Variants in DPYD observed in about 807,000 individuals in gnomAD.
DPYD encodes the protein dihydropyrimidine dehydrogenase [NADP(+)].
Under a neutral mutation model 116.2 loss-of-function variants are expected in DPYD, and 109 were observed. That is an observed-to-expected ratio of 0.94 (90% confidence interval 0.80 to 1.10). DPYD has a LOEUF of 1.10. Ranked by LOEUF, DPYD falls within the 50% of genes least tolerant of loss-of-function variation. The pLI, the probability that DPYD is intolerant of heterozygous loss-of-function variation, is 0.00. For synonymous variants in DPYD, 440 were observed against 432.0 expected (o/e 1.02, Z -0.23); for missense variants, 1,302 against 1,254.5 (o/e 1.04, Z -0.57).
chr1:97,273,426 C>T (rs1664728435), intron 18 of DPYD, among the ~76,000 whole-genome samples: 1 of 152,128 alleles, frequency 6.6e-6, no homozygotes, highest in Admixed American at 6.6e-5. Flanking sequence ...AAACTACTCC[C>T]TCTCACAAGA....
intron 12 of DPYD, chr1:97,546,169 CAGA>C: frequency 1.4e-6 from 2 of 1,447,158 alleles, no homozygotes; most frequent in Non-Finnish European, 1.9e-6. Flanking sequence ...GAACAGCCAG[CAGA>C]AGATGGGCAG....
chr1:97,235,887 T>A (rs1661891118), intron 18 of DPYD, among the ~76,000 whole-genome samples: 1 of 152,164 alleles, frequency 6.6e-6, no homozygotes, highest in African/African-American at 2.4e-5. Flanking sequence ...TTAATCAAGT[T>A]AAAGAGAATT....
chr1:97,250,799 A>G (rs750767643), intron 18 of DPYD, among the ~76,000 whole-genome samples: 7 of 152,172 alleles, frequency 4.6e-5, no homozygotes, highest in Non-Finnish European at 8.8e-5. Context: ...AAGCAACCCA[A>G]GAGAACTTTC....
At chr1:97,193,342 T>C in intron 19 of DPYD, 94 bp from the exon 20 acceptor site, 1 of 1,316,662 alleles carries the variant, frequency 7.6e-7, no homozygotes, top group Non-Finnish European at 1.1e-6. Context: ...ATTTATTTTA[T>C]GTGCCAGGCA....
At chr1:97,898,374 A>G (rs1673187180) in intron 1 of DPYD, among the ~76,000 whole-genome samples, 1 of 151,754 alleles carries the variant, frequency 6.6e-6, no homozygotes, top group Non-Finnish European at 1.5e-5. Context: ...CTAGACTTTC[A>G]GCTCTGTCTC....
intron 14 of DPYD, among the ~76,000 whole-genome samples, chr1:97,415,258 A>G (rs1674228652): frequency 6.6e-6 from 1 of 152,220 alleles, no homozygotes; most frequent in South Asian, 2.1e-4. Context: ...GTTGTAGCAC[A>G]GTCATTGATC....
chr1:97,672,485 G>A (rs1416994913), intron 8 of DPYD, among the ~76,000 whole-genome samples: 4 of 152,198 alleles, frequency 2.6e-5, no homozygotes, highest in Non-Finnish European at 5.9e-5. Context: ...ACAAGTGACA[G>A]TAGATTAAAC....
At chr1:97,163,674 G>A (rs114831916) in intron 20 of DPYD, among the ~76,000 whole-genome samples, 248 of 152,212 alleles carry the variant, frequency 1.6e-3, no homozygotes, top group African/African-American at 5.7e-3. Context: ...TTTGTGGAAG[G>A]GTCAGAAGGG....
chr1:97,080,865 C>T (rs1021081380), intron 22 of DPYD, among the ~76,000 whole-genome samples: 1 of 152,072 alleles, frequency 6.6e-6, no homozygotes, highest in Admixed American at 6.6e-5. Flanking sequence ...TTTCTCATTA[C>T]TAAGAAGATT....
chr1:97,890,934 C>A (rs923135459), intron 1 of DPYD, among the ~76,000 whole-genome samples: 1 of 151,888 alleles, frequency 6.6e-6, no homozygotes, highest in African/African-American at 2.4e-5. Context: ...GAAAGCATAA[C>A]ATAACATGAA....
chr1:97,622,227 G>A (rs1278681470), intron 8 of DPYD, among the ~76,000 whole-genome samples: 1 of 151,996 alleles, frequency 6.6e-6, no homozygotes, highest in East Asian at 1.9e-4. Flanking sequence ...TGTTAGTCAT[G>A]AAATCAAGGT....
intron 19 of DPYD, among the ~76,000 whole-genome samples, chr1:97,229,853 C>A (rs1661469844): frequency 1.3e-5 from 2 of 151,870 alleles, no homozygotes; most frequent in African/African-American, 4.8e-5. Context: ...ATTTTAATAG[C>A]CAGAAAGTCT....
chr1:97,162,589 C>G (rs1322142594), intron 20 of DPYD, among the ~76,000 whole-genome samples: 1 of 152,092 alleles, frequency 6.6e-6, no homozygotes, highest in Non-Finnish European at 1.5e-5. Context: ...CCATCCCCAT[C>G]AAGCTACCAA....
intron 18 of DPYD, among the ~76,000 whole-genome samples, chr1:97,257,639 T>C (rs1290735792): frequency 6.6e-6 from 1 of 151,870 alleles, no homozygotes; most frequent in Non-Finnish European, 1.5e-5. Context: ...AAAAAAAGTT[T>C]CATACCATCA....
chr1:97,487,273 A>T (rs1380531227), intron 13 of DPYD, among the ~76,000 whole-genome samples: 1 of 151,938 alleles, frequency 6.6e-6, no homozygotes, highest in Non-Finnish European at 1.5e-5. Flanking sequence ...TATTTAAATT[A>T]AAAAAAATAT....
intron 14 of DPYD, among the ~76,000 whole-genome samples, chr1:97,385,847 T>G (rs1237305056): frequency 6.6e-6 from 1 of 152,160 alleles, no homozygotes; most frequent in Non-Finnish European, 1.5e-5. Context: ...TGTTTCTCTC[T>G]TTTACATGGC....
chr1:97,546,446 A>C, intron 12 of DPYD: 1 of 1,600,892 alleles, frequency 6.2e-7, no homozygotes, highest in South Asian at 1.1e-5. Context: ...TGAAGTGAGA[A>C]AGATGATGGT....
rs1044319733 is a variant in DPYD at position 97,186,763 on chromosome 1, C to T, written c.2622+6306G>A. Among the ~76,000 whole-genome samples, 14 of 152,216 alleles carry T rather than the reference C, an allele frequency of 9.2e-5. 1 individual carries two copies. The highest frequency in any genetic ancestry group is 6.8e-3 in the Middle Eastern group (2 of 294). On this transcript the variant is annotated intron_variant, in intron 20 of 22. Transcript: ENST00000370192. The stretch of plus-strand genomic sequence containing the variant: ...ACTGGGGAGGCTCAGCCATGAGAAT[C>T]GCTTGAATCTGAGAGGCAGGGTTGC...
intron 20 of DPYD, among the ~76,000 whole-genome samples, chr1:97,161,232 A>G (rs1016580610): frequency 2.0e-5 from 3 of 152,284 alleles, no homozygotes; most frequent in African/African-American, 7.2e-5. Context: ...ACACAGTTAC[A>G]GGGAATGTCT....
Sources: allele counts gnomAD v4.1 joint callset (sites outside exome capture counted in the v4.1 genomes callset), GRCh38; gene constraint gnomAD v4.1.1; transcripts MANE v1.5; gene names NCBI Gene and HGNC (gene_info 2026-07-23, HGNC 2026-07-21).